ASIC2: variants seen among roughly 807,000 people sequenced by gnomAD.
ASIC2 encodes acid sensing ion channel subunit 2, also known as acid-sensing ion channel 2.
In ASIC2, 25 loss-of-function variants were observed where a neutral mutation model predicts 57.3. That is an observed-to-expected ratio of 0.44 (90% confidence interval 0.32 to 0.61). The LOEUF (loss-of-function observed/expected upper bound fraction) is 0.61. Among genes scored for constraint, ASIC2 ranks in the 20% least tolerant of loss-of-function variants. ASIC2 has a pLI of 0.06. For synonymous variants in ASIC2, 319 were observed against 307.5 expected (o/e 1.04, Z -0.39); for missense variants, 641 against 738.1 (o/e 0.87, Z 1.52).
chr17:33,786,804 C>G (rs1379149044), intron 1 of ASIC2, among the ~76,000 whole-genome samples: 1 of 152,078 alleles, frequency 6.6e-6, no homozygotes, highest in Admixed American at 6.5e-5. Flanking sequence ...TACAAGTCAC[C>G]CCTCAGGTTC....
intron 1 of ASIC2, among the ~76,000 whole-genome samples, chr17:33,393,531 A>G (rs1909973138): frequency 6.6e-6 from 1 of 152,172 alleles, no homozygotes; most frequent in South Asian, 2.1e-4. Context: ...ACACTATCTG[A>G]GAGCTATGGA....
At chr17:33,679,897 C>T (rs1230530759) in intron 1 of ASIC2, among the ~76,000 whole-genome samples, 1 of 152,088 alleles carries the variant, frequency 6.6e-6, no homozygotes, top group Non-Finnish European at 1.5e-5. Context: ...AGGAGTGGGG[C>T]TCATGGTCTC....
intron 1 of ASIC2, among the ~76,000 whole-genome samples, chr17:33,429,240 AC>A (rs1269384804): frequency 6.6e-6 from 1 of 152,028 alleles, no homozygotes; most frequent in Non-Finnish European, 1.5e-5. Context: ...ATTTAATAAA[AC>A]CCTCTTCTTG....
At chr17:34,049,757 T>C (rs545710237) in intron 1 of ASIC2, among the ~76,000 whole-genome samples, 1 of 152,310 alleles carries the variant, frequency 6.6e-6, no homozygotes, top group South Asian at 2.1e-4. Flanking sequence ...TACTTACCCT[T>C]TGAAACTTCA....
intron 1 of ASIC2, among the ~76,000 whole-genome samples, chr17:33,482,371 C>A (rs1913434163): frequency 6.6e-6 from 1 of 152,216 alleles, no homozygotes. Flanking sequence ...CTCCTAACAG[C>A]TCACTTGATT....
intron 1 of ASIC2, among the ~76,000 whole-genome samples, chr17:33,434,624 A>G (rs1418127158): frequency 1.3e-5 from 2 of 152,230 alleles, no homozygotes; most frequent in African/African-American, 4.8e-5. Flanking sequence ...TTTTATGTAC[A>G]AAGGACATAG....
At chr17:33,100,577 T>C (rs1287828267) in intron 2 of ASIC2, among the ~76,000 whole-genome samples, 2 of 152,238 alleles carry the variant, frequency 1.3e-5, no homozygotes, top group African/African-American at 4.8e-5. Flanking sequence ...GTTGACACGT[T>C]CCCCAAACAG....
At chr17:33,371,072 T>C (rs1909043274) in intron 1 of ASIC2, among the ~76,000 whole-genome samples, 1 of 152,178 alleles carries the variant, frequency 6.6e-6, no homozygotes, top group Admixed American at 6.5e-5. Context: ...ATCACAAGGG[T>C]TTGTGATAAA....
At chr17:34,039,821 C>T in intron 1 of ASIC2, 3 of 1,608,940 alleles carry the variant, frequency 1.9e-6, no homozygotes, top group Non-Finnish European at 1.7e-6. Context: ...GTAAACCTGG[C>T]CTCCAATAAT....
chr17:33,722,069 G>A (rs1305903237), intron 1 of ASIC2, among the ~76,000 whole-genome samples: 3 of 152,274 alleles, frequency 2.0e-5, no homozygotes, highest in East Asian at 1.9e-4. Flanking sequence ...TCTGTGTCCC[G>A]ACCCAAATCT....
At chr17:33,282,145 A>G (rs1227851949) in intron 1 of ASIC2, among the ~76,000 whole-genome samples, 1 of 152,246 alleles carries the variant, frequency 6.6e-6, no homozygotes, top group Admixed American at 6.5e-5. Context: ...TTTGTACATC[A>G]GAAACAAATG....
At chr17:33,542,180 A>C (rs1915433412) in intron 1 of ASIC2, among the ~76,000 whole-genome samples, 1 of 152,156 alleles carries the variant, frequency 6.6e-6, no homozygotes, top group Non-Finnish European at 1.5e-5. Flanking sequence ...AGTCTTTGCT[A>C]TTGTGAATAA....
rs142439710 is a variant in ASIC2 at position 34,031,522 on chromosome 17, G to A, written c.555+124456C>T. On this transcript the variant is annotated intron_variant, in intron 1 of 9. Coordinates refer to the ASIC2 transcript ENST00000359872. The stretch of plus-strand genomic sequence containing the variant: ...ACAAAGCTGCATGGACAATGACTTT[G>A]ACGAGTTGAGAGAAGAAGGCTTCAG... Among the ~76,000 whole-genome samples, 1,378 of 152,316 alleles carry A rather than the reference G, an allele frequency of 9.0e-3. 30 individuals carry two copies. Among genetic ancestry groups the A allele is most frequent in the African/African-American group, 0.032 (1,310 of 41,550 alleles).
intron 3 of ASIC2, among the ~76,000 whole-genome samples, chr17:33,063,307 T>C (rs1400009891): frequency 6.6e-6 from 1 of 152,236 alleles, no homozygotes; most frequent in Non-Finnish European, 1.5e-5. Flanking sequence ...TACCAGCTGT[T>C]CCTTTCCATG....
At chr17:33,052,937 C>G (rs1372894456) in intron 3 of ASIC2, 1 of 152,066 alleles carries the variant, frequency 6.6e-6, no homozygotes, top group African/African-American at 2.4e-5. Flanking sequence ...CTCTCTTTTA[C>G]CAGTTGATAG....
Position 33,286,649 on chromosome 17 carries a change from T to C in ASIC2, c.708+4759A>G, listed in dbSNP as rs114745848. On this transcript the variant is annotated intron_variant, in intron 1 of 9. Transcript: ENST00000225823. ...CTCTCACCCTGAAGTCCTCTTTCTC[T>C]CCTTTTCTACTTTGGAGCTTCTACT... is the stretch of plus-strand genomic sequence containing the variant. Among the ~76,000 whole-genome samples, 490 of 152,334 alleles carry C rather than the reference T, an allele frequency of 3.2e-3. 1 individual carries two copies. Among genetic ancestry groups the C allele is most frequent in the African/African-American group, 0.012 (482 of 41,574 alleles).
chr17:33,346,981 A>G (rs1173029092), intron 1 of ASIC2, among the ~76,000 whole-genome samples: 1 of 152,208 alleles, frequency 6.6e-6, no homozygotes, highest in East Asian at 1.9e-4. Context: ...GAAGAGAAAT[A>G]GACACGGAGC....
At chr17:33,566,450 T>C (rs186987278) in intron 1 of ASIC2, among the ~76,000 whole-genome samples, 11 of 152,284 alleles carry the variant, frequency 7.2e-5, no homozygotes, top group African/African-American at 2.6e-4. Context: ...TGTCCATACA[T>C]TGTGGCTGCT....
chr17:34,148,282 A>G (rs563391617), intron 1 of ASIC2, among the ~76,000 whole-genome samples: 34 of 152,352 alleles, frequency 2.2e-4, no homozygotes, highest in African/African-American at 8.2e-4. Context: ...CAAAATAGTC[A>G]GCTCTCAGTC....
Sources: allele counts gnomAD v4.1 joint callset (sites outside exome capture counted in the v4.1 genomes callset), GRCh38; gene constraint gnomAD v4.1.1; transcripts MANE v1.5; gene names NCBI Gene and HGNC (gene_info 2026-07-23, HGNC 2026-07-21).